The following EFCAB13 variants were observed in gnomAD, a reference collection of about 807,000 sequenced individuals.
EFCAB13 encodes the protein EF-hand calcium-binding domain-containing protein 13.
In EFCAB13, 91 loss-of-function variants were observed where a neutral mutation model predicts 110.2. The observed-to-expected ratio is 0.83, with a 90% CI of 0.70 to 0.98. The LOEUF (loss-of-function observed/expected upper bound fraction) is 0.98. Ranked by LOEUF, EFCAB13 falls within the 50% of genes least tolerant of loss-of-function variation. The pLI, the probability that EFCAB13 is intolerant of heterozygous loss-of-function variation, is 0.00. For synonymous variants in EFCAB13, 323 were observed against 369.9 expected (o/e 0.87, Z 1.45); for missense variants, 968 against 1,119.4 (o/e 0.86, Z 1.93).
intron 24 of EFCAB13, among the ~76,000 whole-genome samples, chr17:47,439,076 T>C (rs377415975): frequency 1.3e-5 from 2 of 151,944 alleles, no homozygotes; most frequent in African/African-American, 4.8e-5. Flanking sequence ...TTCTTATGGG[T>C]AAACTCTCAT....
chr17:47,404,573 G>A lies in EFCAB13; in HGVS notation c.2173G>A (p.Val725Met), dbSNP rs1285305720. Residue 725 changes from valine to methionine, a missense_variant, in exon 20 of 25, where the codon GTG (valine) becomes ATG (methionine). Coordinates refer to ENST00000331493, the MANE Select transcript of EFCAB13 (RefSeq NM_152347.5). The part of the protein sequence containing the change: ...QSDFVSEDNM[V>M]NIKDCMRALR... ...TCTTTTCCTTGCAGAAGATAACATGGTGAACATTAAAGACTGTATGAGGGC... is the reference window on the plus strand; with the variant it reads ...TCTTTTCCTTGCAGAAGATAACATGATGAACATTAAAGACTGTATGAGGGC... 1.2e-6 allele frequency: 2 copies of A among 1,612,154 alleles called. No individual in the cohort carries two copies. The highest frequency in any genetic ancestry group is 1.7e-6 in the Non-Finnish European group (2 of 1,179,002).
chr17:47,351,300 TGTGTGCGCGCGCGCGCGCGC>T (rs1363137691), intron 9 of EFCAB13, among the ~76,000 whole-genome samples: 3 of 110,592 alleles, frequency 2.7e-5, no homozygotes, highest in Admixed American at 1.8e-4. Flanking sequence ...TGTGTGTGTG[TGTGTGCGCGCGCGCGCGCGC>T]GCGCGCGCCA....
chr17:47,440,165 G>T (rs1480600841), intron 24 of EFCAB13, among the ~76,000 whole-genome samples: 1 of 152,074 alleles, frequency 6.6e-6, no homozygotes, highest in African/African-American at 2.4e-5. Context: ...ATAAATAGAA[G>T]ATGAGACTGG....
chr17:47,327,118 T>G (rs1292328684), intron 3 of EFCAB13, among the ~76,000 whole-genome samples: 1 of 152,198 alleles, frequency 6.6e-6, no homozygotes, highest in African/African-American at 2.4e-5. Flanking sequence ...GTGAAAGTCT[T>G]GAGTTTGAAG....
intron 9 of EFCAB13, among the ~76,000 whole-genome samples, chr17:47,349,759 C>CTTTT (rs1162133822): frequency 9.2e-5 from 7 of 76,144 alleles, no homozygotes; most frequent in South Asian, 4.7e-4. Flanking sequence ...GCTGATGTTT[C>CTTTT]TTTTTTTTTT....
chr17:47,389,104 C>A (rs952564534), intron 14 of EFCAB13, among the ~76,000 whole-genome samples: 4 of 152,136 alleles, frequency 2.6e-5, no homozygotes, highest in Non-Finnish European at 4.4e-5. Flanking sequence ...TGAATCATTG[C>A]ACACTGCAGC....
At chr17:47,370,868 A>G (rs1433690407) in intron 11 of EFCAB13, among the ~76,000 whole-genome samples, 2 of 150,206 alleles carry the variant, frequency 1.3e-5, no homozygotes, top group Admixed American at 6.6e-5. Context: ...CAGCCTCCCA[A>G]GTAGCTGGGA....
rs1285193612 is a variant in EFCAB13, at chr17:47,420,631, C to T, written c.2494+5712C>T. On this transcript the variant is annotated intron_variant, in intron 23 of 24. Coordinates refer to ENST00000331493, the MANE Select transcript of EFCAB13 (RefSeq NM_152347.5). ...CTGGGATGTGAGGAGCGCCTCTACC[C>T]GGCCGCGACCCCGTGTGGGAGGTGA... is the stretch of plus-strand genomic sequence containing the variant. Among the ~76,000 whole-genome samples the T allele has an allele frequency of 5.3e-5, 8 of 152,294 alleles. No homozygotes were observed. The East Asian group carries it at 7.8e-4, about 15-fold the overall frequency.
chr17:47,421,600 C>G lies in EFCAB13; in HGVS notation c.2494+6681C>G, dbSNP rs554088920. 2.6e-3 allele frequency among the ~76,000 whole-genome samples: 323 copies of G among 126,398 alleles called. 1 individual carries two copies. Among genetic ancestry groups the G allele is most frequent in the African/African-American group, 1.0e-2 (315 of 31,576 alleles). The allele number at this position is 126,398 out of a possible 152,430, so 82.9% of individuals were successfully genotyped here. A position where few individuals can be genotyped will look rare whatever the true frequency, so the allele number is the denominator to read the frequency against. ...TATGACCGTGCCAAATCCCCCTCTGCGAGAAACACCCAAGAATGAGCAATA... is the reference window on the plus strand; with the variant it reads ...TATGACCGTGCCAAATCCCCCTCTGGGAGAAACACCCAAGAATGAGCAATA... On this transcript the variant is annotated intron_variant, in intron 23 of 24. Coordinates refer to ENST00000331493, the MANE Select transcript of EFCAB13 (RefSeq NM_152347.5).
intron 14 of EFCAB13, among the ~76,000 whole-genome samples, chr17:47,390,020 A>C (rs1345687045): frequency 6.6e-6 from 1 of 152,188 alleles, no homozygotes; most frequent in Non-Finnish European, 1.5e-5. Context: ...TTCAGACATC[A>C]GTTTGATCAT....
intron 9 of EFCAB13, among the ~76,000 whole-genome samples, chr17:47,351,899 G>GTTTTTTT (rs762050927): frequency 8.2e-6 from 1 of 121,482 alleles, no homozygotes; most frequent in African/African-American, 3.1e-5. Flanking sequence ...TTTTCATGTA[G>GTTTTTTT]TTTTTTTTTT....
chr17:47,360,706 T>TAG (rs2065507980), intron 9 of EFCAB13, among the ~76,000 whole-genome samples: 1 of 152,184 alleles, frequency 6.6e-6, no homozygotes, highest in African/African-American at 2.4e-5. Context: ...CGCCCATGCC[T>TAG]ATGTCCTGAA....
rs75799456 is a variant in EFCAB13, at chr17:47,403,162, T to C, written c.2018-716T>C. ...TTAAACTGTGATTACTATTTGCAGC[T>C]AGTTTCTGTTGACTTTAATAATAAT... On this transcript the variant is annotated intron_variant, in intron 18 of 24. Transcript: ENST00000331493. 8.6e-3 allele frequency among the ~76,000 whole-genome samples: 1,303 copies of C among 152,342 alleles called. 12 individuals are homozygous for C. Among genetic ancestry groups the C allele is most frequent in the African/African-American group, 0.027 (1,112 of 41,580 alleles).
intron 4 of EFCAB13, chr17:47,328,743 T>G (rs2065302511): frequency 5.5e-6 from 1 of 180,386 alleles, no homozygotes; most frequent in South Asian, 1.9e-4. Flanking sequence ...TCAAATTTCT[T>G]TAGCCCTCTT....
chr17:47,421,903 C>T (rs1238739295), intron 23 of EFCAB13, among the ~76,000 whole-genome samples: 1 of 152,166 alleles, frequency 6.6e-6, no homozygotes, highest in Non-Finnish European at 1.5e-5. Context: ...TATAGTATCA[C>T]TCTTACATAA....
chr17:47,385,312 T>A (rs1170595660), intron 14 of EFCAB13, among the ~76,000 whole-genome samples: 1 of 152,092 alleles, frequency 6.6e-6, no homozygotes. Context: ...TTTCACATAG[T>A]CCCATATTTC....
chr17:47,328,023 C>T, intron 3 of EFCAB13: 1 of 458,062 alleles, frequency 2.2e-6, no homozygotes, highest in Non-Finnish European at 3.8e-6. Flanking sequence ...GATTTCTCAG[C>T]TTTGTATGCC....
intron 6 of EFCAB13, 148 bp downstream of exon 6, chr17:47,342,180 T>C (rs1019150274): frequency 1.0e-5 from 5 of 491,656 alleles, no homozygotes; most frequent in Non-Finnish European, 1.8e-5. Context: ...TGTTCTTAAT[T>C]CTCCTTTTTC....
chr17:47,333,870 G>A (rs1220291576), intron 4 of EFCAB13, among the ~76,000 whole-genome samples: 1 of 152,170 alleles, frequency 6.6e-6, no homozygotes, highest in African/African-American at 2.4e-5. Context: ...ATTAGGAAGT[G>A]TGATGCCTCC....
Sources: gnomAD v4.1 joint callset for allele counts (sites outside exome capture counted in the v4.1 genomes callset) on GRCh38, gnomAD v4.1.1 for gene constraint, MANE v1.5 for transcripts, NCBI Gene and HGNC (gene_info 2026-07-23, HGNC 2026-07-21) for gene names.